Variants in SCFD1 observed in about 807,000 individuals in gnomAD.
SCFD1 encodes the protein sec1 family domain containing 1.
In SCFD1, 37 loss-of-function variants were observed where a neutral mutation model predicts 103.2. The ratio of observed to expected loss-of-function variants is 0.36; its 90% CI spans 0.28 to 0.47. The LOEUF (loss-of-function observed/expected upper bound fraction) is 0.47, where lower values mean the gene tolerates loss of function less well. SCFD1 is among the 20% of genes least tolerant of loss of function. SCFD1 has a pLI of 1.00. For synonymous variants in SCFD1, 264 were observed against 245.0 expected (o/e 1.08, Z -0.73); for missense variants, 639 against 761.2 (o/e 0.84, Z 1.89).
intron 2 of SCFD1, among the ~76,000 whole-genome samples, 153 bp from the exon 3 acceptor site, chr14:30,630,324 T>C (rs1160042652): frequency 2.0e-5 from 3 of 152,118 alleles, no homozygotes; most frequent in Non-Finnish European, 4.4e-5. Flanking sequence ...CTATTGGTTG[T>C]TCACTGATAA....
chr14:30,622,307 C>A (rs754948346), upstream of SCFD1: 10 of 1,594,078 alleles, frequency 6.3e-6, no homozygotes, highest in East Asian at 1.1e-4. Context: ...CCGCTCCGCT[C>A]CCCAGCCGGG....
intron 3 of SCFD1, among the ~76,000 whole-genome samples, chr14:30,631,413 T>G (rs1884116442): frequency 2.0e-5 from 3 of 152,126 alleles, no homozygotes; most frequent in African/African-American, 7.2e-5. Context: ...CTCACGTAAT[T>G]TATTGACTGC....
intron 1 of SCFD1, among the ~76,000 whole-genome samples, chr14:30,625,125 C>T (rs1401763158): frequency 2.6e-5 from 4 of 151,844 alleles, no homozygotes; most frequent in Non-Finnish European, 5.9e-5. Context: ...AGAATGAAAG[C>T]TACTTGAGGA....
chr14:30,650,497 C>A (rs977470585), intron 8 of SCFD1, 68 bp from the exon 9 acceptor site: 2 of 899,656 alleles, frequency 2.2e-6, no homozygotes, highest in Non-Finnish European at 3.6e-6. Flanking sequence ...ACTAAAAACA[C>A]ATTTTGAATT....
Position 30,643,317 on chromosome 14 carries a change from C to A in SCFD1, c.525C>A (p.Ala175=). Residue 175 remains alanine (A), a splice_region_variant and synonymous_variant, in exon 7 of 25, where the codon GCC becomes GCA. Coordinates refer to ENST00000458591, the MANE Select transcript of SCFD1 (RefSeq NM_016106.4). ...TCTCCTTTTCCTATGTCATTTTAGC[C>A]ATTAACAGGCCAGATATCACAGACA... ...NQNKELVSYR[A]INRPDITDTE... 1 of 1,603,100 alleles carries A rather than the reference C, an allele frequency of 6.2e-7. No individual in the cohort carries two copies. The highest frequency in any genetic ancestry group is 1.1e-5 in the South Asian group (1 of 90,720).
At chr14:30,651,241 G>A (rs1350542700) in intron 9 of SCFD1, among the ~76,000 whole-genome samples, 1 of 152,086 alleles carries the variant, frequency 6.6e-6, no homozygotes, top group African/African-American at 2.4e-5. Context: ...TTATATTCTG[G>A]AAAATTAATT....
chr14:30,630,717 T>G (rs1039244016), intron 3 of SCFD1, 152 bp downstream of exon 3: 17 of 577,126 alleles, frequency 2.9e-5, no homozygotes, highest in African/African-American at 2.5e-4. Context: ...AAAAAAATCC[T>G]CAGTCTGAGG....
In SCFD1 at chr14:30,735,728, GTTAT is replaced by G; in HGVS notation, c.*122_*125del. 1.5e-6 allele frequency: 1 copy of G among 669,920 alleles called. No individual in the cohort carries two copies. Among genetic ancestry groups the G allele is most frequent in the Non-Finnish European group, 2.5e-6 (1 of 395,124 alleles). The allele number at this position is 669,920 out of a possible 1,614,324, so 41.5% of individuals were successfully genotyped here. ...CAGTGTCCTAACAGTGAAAATCAGAGTTATTTGTTAATTTTTAAGGAAATTATAT... is the reference window on the plus strand; with the variant it reads ...CAGTGTCCTAACAGTGAAAATCAGAGTTGTTAATTTTTAAGGAAATTATAT... On this transcript the variant is annotated 3_prime_UTR_variant, in exon 25 of 25. Coordinates refer to ENST00000458591, the MANE Select transcript of SCFD1 (RefSeq NM_016106.4).
At chr14:30,634,268 C>T (rs893194547) in intron 4 of SCFD1, among the ~76,000 whole-genome samples, 2 of 152,152 alleles carry the variant, frequency 1.3e-5, no homozygotes, top group Non-Finnish European at 1.5e-5. Flanking sequence ...TCCACAGTTT[C>T]AGTTATCCAC....
At position 30,633,928 on chromosome 14, in the gene SCFD1, A is replaced by C. The variant is rs765236327; in HGVS notation, c.222-19A>C. ...ATAAGTGAATAAAAAAATAAGTTTT[A>C]GTTCCTTATGTCTTCTAGGCTTTTA... On this transcript the variant is annotated intron_variant, in intron 3 of 24. Coordinates refer to ENST00000458591, the MANE Select transcript of SCFD1 (RefSeq NM_016106.4). The C allele has an allele frequency of 3.5e-6, 5 of 1,448,408 alleles. No homozygotes were observed. The highest frequency in any genetic ancestry group is 4.7e-6 in the Non-Finnish European group (5 of 1,053,448). The allele number at this position is 1,448,408 out of a possible 1,614,324, so 89.7% of individuals were successfully genotyped here. A position where few individuals can be genotyped will look rare whatever the true frequency, so the allele number is the denominator to read the frequency against.
chr14:30,655,945 A>G (rs1886856398), intron 10 of SCFD1, among the ~76,000 whole-genome samples: 1 of 152,032 alleles, frequency 6.6e-6, no homozygotes, highest in Non-Finnish European at 1.5e-5. Context: ...CTGGCAACAT[A>G]AGGAAGCACC....
At chr14:30,681,337 G>C (rs1278953901) in intron 14 of SCFD1, among the ~76,000 whole-genome samples, 1 of 151,856 alleles carries the variant, frequency 6.6e-6, no homozygotes, top group Non-Finnish European at 1.5e-5. Context: ...TCATAAAGCA[G>C]TTTTCAGTAT....
Position 30,628,270 on chromosome 14 carries a change from A to G in SCFD1, c.123A>G (p.Pro41=), listed in dbSNP as rs1198040624. The G allele has an allele frequency of 1.9e-6, 3 of 1,607,112 alleles. No individual in the cohort carries two copies. The highest frequency in any genetic ancestry group is 2.6e-6 in the Non-Finnish European group (3 of 1,174,336). Residue 41 remains proline, a synonymous_variant, in exon 2 of 25, where the codon CCA becomes CCG. Transcript: ENST00000458591. The stretch of plus-strand genomic sequence containing the variant: ...ATATTAAAAACAGCACAGGAGAACC[A>G]GTATGGAAGGTAAGAGTTTATCTTA... ...VPHIKNSTGE[P]VWKVLIYDRF... is the part of the protein sequence containing the mutation.
intron 14 of SCFD1, among the ~76,000 whole-genome samples, chr14:30,691,850 T>A (rs549901335): frequency 6.6e-6 from 1 of 152,342 alleles, no homozygotes; most frequent in South Asian, 2.1e-4. Context: ...CAAATGCCTG[T>A]ACTTACATAA....
Position 30,650,657 on chromosome 14 carries a change from C to G in SCFD1, c.755+7C>G, listed in dbSNP as rs143379048. On this transcript the variant is annotated splice_region_variant and intron_variant, in intron 9 of 24. Transcript: ENST00000458591. ...TTGGAGCTGGCCAATTCAGGTATTA[C>G]TGTTATTAAATACACTTGTAAGACT... 17 of 1,506,136 alleles carry G rather than the reference C, an allele frequency of 1.1e-5. No individual in the cohort carries two copies. Among genetic ancestry groups the G allele is most frequent in the Non-Finnish European group, 1.6e-5 (17 of 1,086,850 alleles). The allele number at this position is 1,506,136 out of a possible 1,614,324, so 93.3% of individuals were successfully genotyped here.
At chr14:30,707,141 A>G (rs184268737) in intron 18 of SCFD1, among the ~76,000 whole-genome samples, 16 of 152,342 alleles carry the variant, frequency 1.1e-4, no homozygotes, top group Admixed American at 3.3e-4. Flanking sequence ...TCCCTTAAAA[A>G]TCTTATTGAA....
At chr14:30,624,677 A>C (rs1405540502) in intron 1 of SCFD1, among the ~76,000 whole-genome samples, 3 of 152,188 alleles carry the variant, frequency 2.0e-5, no homozygotes, top group African/African-American at 7.2e-5. Context: ...CACAGTACCC[A>C]AACTGATCAT....
In SCFD1 at chr14:30,669,553, G is replaced by T. The variant is rs550628451; in HGVS notation, c.856-703G>T. 2.5e-4 allele frequency among the ~76,000 whole-genome samples: 38 copies of T among 151,492 alleles called. No individual in the cohort carries two copies. The South Asian group carries it at 6.3e-3, about 25-fold the overall frequency. Reference sequence around the variant, plus strand: ...GTTTTGGGTTTTGGGGGGTTTTTTGGTTTTTTTTACAGAAAAGGTACAAAA... The same window carrying T: ...GTTTTGGGTTTTGGGGGGTTTTTTGTTTTTTTTTACAGAAAAGGTACAAAA... On this transcript the variant is annotated intron_variant, in intron 10 of 24. Coordinates refer to ENST00000458591, the MANE Select transcript of SCFD1 (RefSeq NM_016106.4).
At chr14:30,623,107 CCTTA>C (rs1177811549) in intron 1 of SCFD1, among the ~76,000 whole-genome samples, 1 of 152,060 alleles carries the variant, frequency 6.6e-6, no homozygotes, top group African/African-American at 2.4e-5. Context: ...ATTAGTTTTG[CCTTA>C]CTTGAAAACT....
Sources: gnomAD v4.1 joint callset for allele counts (sites outside exome capture counted in the v4.1 genomes callset) on GRCh38, gnomAD v4.1.1 for gene constraint, MANE v1.5 for transcripts, NCBI Gene and HGNC (gene_info 2026-07-23, HGNC 2026-07-21) for gene names.